MIGA1: variants seen among roughly 807,000 people sequenced by gnomAD.
The protein encoded by MIGA1 is mitoguardin 1.
A neutral mutation model predicts 82.0 loss-of-function variants in MIGA1; 58 were observed. The ratio of observed to expected loss-of-function variants is 0.71; its 90% CI spans 0.57 to 0.88. The LOEUF (loss-of-function observed/expected upper bound fraction) is 0.88. Among genes scored for constraint, MIGA1 ranks in the 40% least tolerant of loss-of-function variants. The pLI, the probability that MIGA1 is intolerant of heterozygous loss-of-function variation, is 0.00. For synonymous variants in MIGA1, 249 were observed against 253.6 expected (o/e 0.98, Z 0.17); for missense variants, 751 against 749.1 (o/e 1.00, Z -0.03).
At position 77,794,716 on chromosome 1, in the gene MIGA1, C is replaced by T. The variant is rs542589030; in HGVS notation, c.196-6615C>T. Among the ~76,000 whole-genome samples the T allele has an allele frequency of 1.1e-3, 161 of 152,196 alleles. 2 individuals are homozygous for T. Among genetic ancestry groups the T allele is most frequent in the African/African-American group, 3.1e-4 (13 of 41,530 alleles). ...ACTCTGGAGGCTAAAGTGGGAGGAT[C>T]GCTTGAGCCCTGGAGTTTAAGGCTC... On this transcript the variant is annotated intron_variant, in intron 2 of 15. Coordinates refer to ENST00000370791, the MANE Select transcript of MIGA1 (RefSeq NM_198549.4).
At position 77,801,499 on chromosome 1, in the gene MIGA1, T is replaced by A; in HGVS notation, c.364T>A (p.Ser122Thr). Reference sequence around the variant, plus strand: ...ACTTGAATACACTAAAAGAGCAGCATCAGACAAAGGTATGTGGAAATAGTT... The same window carrying A: ...ACTTGAATACACTAAAAGAGCAGCAACAGACAAAGGTATGTGGAAATAGTT... Residue 122 changes from serine to threonine, a missense_variant, in exon 3 of 16, where the codon TCA becomes ACA. Physicochemically the swap from Ser to Thr is moderately conservative, Grantham distance 58. This residue lies in a region of MIGA1 where 482 missense variants were observed against 439.4 expected (regional missense o/e 1.10). Coordinates refer to ENST00000370791, the MANE Select transcript of MIGA1 (RefSeq NM_198549.4). 1 of 1,598,024 alleles carries A rather than the reference T, an allele frequency of 6.3e-7. No individual in the cohort carries two copies. The highest frequency in any genetic ancestry group is 1.1e-5 in the South Asian group (1 of 87,412).
chr1:77,866,775 C>G (rs1685687208), intron 14 of MIGA1, among the ~76,000 whole-genome samples: 1 of 151,086 alleles, frequency 6.6e-6, no homozygotes, highest in South Asian at 2.1e-4. Context: ...TCTTTGCTTC[C>G]CGGGTTCAAG....
chr1:77,807,112 G>A lies in MIGA1; in HGVS notation c.637+11G>A. On this transcript the variant is annotated intron_variant, in intron 5 of 15. Coordinates refer to ENST00000370791, the MANE Select transcript of MIGA1 (RefSeq NM_198549.4). The stretch of plus-strand genomic sequence containing the variant: ...ACTTATACTTAATGGGTAGGAATGA[G>A]ATGATAACATTTTAAGATACTGTGC... The A allele has an allele frequency of 6.4e-7, 1 of 1,558,116 alleles. No homozygotes were observed. The highest frequency in any genetic ancestry group is 8.7e-7 in the Non-Finnish European group (1 of 1,144,700).
chr1:77,802,076 A>C (rs974773187), intron 3 of MIGA1, among the ~76,000 whole-genome samples: 3 of 152,140 alleles, frequency 2.0e-5, no homozygotes, highest in Non-Finnish European at 2.9e-5. Context: ...CTGTCTTTTA[A>C]AGGATCTTTA....
At chr1:77,862,984 A>G (rs901962692) in intron 12 of MIGA1, among the ~76,000 whole-genome samples, 11 of 152,056 alleles carry the variant, frequency 7.2e-5, no homozygotes, top group Admixed American at 2.0e-4. Context: ...AAGCAGCTGA[A>G]AGGCCTTCTA....
At chr1:77,846,508 T>C (rs1366809931) in intron 8 of MIGA1, among the ~76,000 whole-genome samples, 1 of 151,932 alleles carries the variant, frequency 6.6e-6, no homozygotes, top group Admixed American at 6.5e-5. Flanking sequence ...TAAAAAAATT[T>C]TTTTAAATAG....
intron 2 of MIGA1, among the ~76,000 whole-genome samples, chr1:77,793,378 T>A (rs563149350): frequency 1.2e-4 from 18 of 151,962 alleles, no homozygotes; most frequent in Non-Finnish European, 2.1e-4. Context: ...GCTGGGATTA[T>A]AGGCATGAGC....
chr1:77,859,952 G>A (rs1161912685), intron 10 of MIGA1, 88 bp from the exon 11 acceptor site: 1 of 824,618 alleles, frequency 1.2e-6, no homozygotes, highest in Non-Finnish European at 2.0e-6. Context: ...TGCATTAACT[G>A]TTTTAGGATT....
At chr1:77,798,226 TC>T (rs1343195015) in intron 2 of MIGA1, among the ~76,000 whole-genome samples, 2 of 152,314 alleles carry the variant, frequency 1.3e-5, no homozygotes, top group Middle Eastern at 3.4e-3. Context: ...GAGCCACACT[TC>T]CTCTGAAGGT....
chr1:77,786,067 A>G (rs887749069), intron 2 of MIGA1, among the ~76,000 whole-genome samples: 2 of 152,224 alleles, frequency 1.3e-5, no homozygotes, highest in Non-Finnish European at 2.9e-5. Flanking sequence ...GGAGGTTCCC[A>G]AACTCCAATT....
At chr1:77,847,687 G>T in intron 8 of MIGA1, 1 of 1,577,890 alleles carries the variant, frequency 6.3e-7, no homozygotes, top group Non-Finnish European at 8.7e-7. Context: ...GGATTTTATA[G>T]ACACTTACTA....
At chr1:77,814,916 C>G (rs1459197979) in intron 6 of MIGA1, among the ~76,000 whole-genome samples, 192 bp from the exon 7 acceptor site, 1 of 152,152 alleles carries the variant, frequency 6.6e-6, no homozygotes, top group Non-Finnish European at 1.5e-5. Flanking sequence ...TCACTAAGAA[C>G]TAAGGTAATT....
intron 2 of MIGA1, among the ~76,000 whole-genome samples, chr1:77,783,810 T>C (rs1570911551): frequency 6.6e-6 from 1 of 152,336 alleles, no homozygotes; most frequent in African/African-American, 2.4e-5. Flanking sequence ...ACTCTACAAC[T>C]GTTTATCAAC....
At chr1:77,817,831 C>T (rs1683629775) in intron 7 of MIGA1, among the ~76,000 whole-genome samples, 1 of 151,964 alleles carries the variant, frequency 6.6e-6, no homozygotes, top group Non-Finnish European at 1.5e-5. Context: ...AGGCTCGGGG[C>T]GAATGTAAAC....
chr1:77,798,881 A>G (rs1682765558), intron 2 of MIGA1, among the ~76,000 whole-genome samples: 1 of 152,094 alleles, frequency 6.6e-6, no homozygotes, highest in African/African-American at 2.4e-5. Flanking sequence ...AACCTACTAC[A>G]CCTTCTATTC....
intron 8 of MIGA1, among the ~76,000 whole-genome samples, chr1:77,852,415 A>G (rs1251521144): frequency 6.6e-6 from 1 of 152,240 alleles, no homozygotes; most frequent in Non-Finnish European, 1.5e-5. Context: ...AATGTTACTT[A>G]AAGTAGAGAA....
intron 2 of MIGA1, among the ~76,000 whole-genome samples, chr1:77,800,100 A>G (rs1286840756): frequency 6.6e-6 from 1 of 152,146 alleles, no homozygotes; most frequent in African/African-American, 2.4e-5. Context: ...TAGAGGAGAA[A>G]GGTTATGGTG....
intron 2 of MIGA1, among the ~76,000 whole-genome samples, chr1:77,783,898 C>T (rs1200306157): frequency 1.2e-4 from 18 of 152,208 alleles, no homozygotes; most frequent in Admixed American, 1.2e-3. Context: ...AGGTACCTCA[C>T]AAGTAGAACC....
chr1:77,805,304 C>T (rs1471998750), intron 4 of MIGA1, among the ~76,000 whole-genome samples: 6 of 151,440 alleles, frequency 4.0e-5, no homozygotes, highest in African/African-American at 9.7e-5. Flanking sequence ...CCCTTGCTTC[C>T]GTATTTCACT....
Sources: allele counts gnomAD v4.1 joint callset (sites outside exome capture counted in the v4.1 genomes callset), GRCh38; gene constraint gnomAD v4.1.1; regional missense constraint gnomAD v4.1.1; transcripts MANE v1.5; gene names NCBI Gene and HGNC (gene_info 2026-07-23, HGNC 2026-07-21).